AGMO: variants seen among roughly 807,000 people sequenced by gnomAD.
AGMO encodes the protein alkylglycerol monooxygenase.
Under a neutral mutation model 60.2 loss-of-function variants are expected in AGMO, and 75 were observed. The ratio of observed to expected loss-of-function variants is 1.25; its 90% CI spans 1.03 to 1.51. AGMO has a LOEUF of 1.51. AGMO is among the 40% of genes most tolerant of loss of function. The probability of loss-of-function intolerance (pLI) is 0.00; values close to 1 mark genes in which losing one functional copy is unlikely to be tolerated. For missense variants in AGMO, 763 were observed against 525.5 expected (o/e 1.45, Z -4.42); for synonymous variants, 261 against 177.1 (o/e 1.47, Z -3.76).
At chr7:15,422,721 G>A (rs1196751470) in intron 4 of AGMO, among the ~76,000 whole-genome samples, 2 of 152,074 alleles carry the variant, frequency 1.3e-5, no homozygotes, top group Non-Finnish European at 2.9e-5. Flanking sequence ...CAGTATTTAG[G>A]GGTCAGGTGT....
intron 10 of AGMO, among the ~76,000 whole-genome samples, chr7:15,371,920 AG>A (rs747650849): frequency 3.0e-5 from 3 of 101,286 alleles, no homozygotes; most frequent in African/African-American, 4.5e-5. Context: ...TAAATTATTA[AG>A]TGTTTCTAAA....
intron 2 of AGMO, among the ~76,000 whole-genome samples, chr7:15,555,075 T>G (rs1293873556): frequency 1.3e-5 from 2 of 151,830 alleles, no homozygotes; most frequent in Non-Finnish European, 2.9e-5. Flanking sequence ...AATCTGCCAA[T>G]TTATATTATT....
intron 2 of AGMO, among the ~76,000 whole-genome samples, chr7:15,555,617 C>A (rs1785111667): frequency 6.6e-6 from 1 of 151,844 alleles, no homozygotes; most frequent in Non-Finnish European, 1.5e-5. Context: ...TTCTTAACAG[C>A]AACCATAAAA....
At chr7:15,274,407 T>C (rs768846773) in intron 12 of AGMO, among the ~76,000 whole-genome samples, 1 of 152,224 alleles carries the variant, frequency 6.6e-6, no homozygotes, top group Non-Finnish European at 1.5e-5. Context: ...TCTGTTTATA[T>C]GCTGGATTAC....
intron 12 of AGMO, among the ~76,000 whole-genome samples, chr7:15,356,000 C>T (rs1165345389): frequency 6.6e-6 from 1 of 151,974 alleles, no homozygotes; most frequent in Admixed American, 6.6e-5. Flanking sequence ...CAATAGTAAA[C>T]AGAAAATAGT....
intron 5 of AGMO, among the ~76,000 whole-genome samples, chr7:15,397,096 C>A (rs74573182): frequency 6.6e-6 from 1 of 152,152 alleles, no homozygotes; most frequent in Non-Finnish European, 1.5e-5. Context: ...CTGGCACCCG[C>A]CAGGAAACTT....
At chr7:15,446,365 T>C (rs1781699007) in intron 3 of AGMO, among the ~76,000 whole-genome samples, 1 of 152,210 alleles carries the variant, frequency 6.6e-6, no homozygotes, top group South Asian at 2.1e-4. Flanking sequence ...GATGCAATTA[T>C]ATAAGTCAAC....
At chr7:15,135,580 T>C in the AGMO span, among the ~76,000 whole-genome samples, 1 of 152,348 alleles carries the variant, frequency 6.6e-6, no homozygotes, top group South Asian at 2.1e-4. Flanking sequence ...TCTGTAGTTT[T>C]ATAAATATTC....
rs542182203 is a variant in AGMO, at chr7:15,427,639, G to A, written c.513+3366C>T. ...AAAATGAAGTTATAATCCTGATACT[G>A]TAATATTTTATATGACATCCATGAA... On this transcript the variant is annotated intron_variant, in intron 4 of 12. Transcript: ENST00000342526. Among the ~76,000 whole-genome samples the A allele has an allele frequency of 1.1e-3, 164 of 152,198 alleles. 1 individual carries two copies. The highest frequency in any genetic ancestry group is 3.9e-3 in the African/African-American group (160 of 41,524).
chr7:15,217,359 C>A (rs199751922), intron 12 of AGMO, among the ~76,000 whole-genome samples: 25 of 151,908 alleles, frequency 1.6e-4, no homozygotes, highest in African/African-American at 5.6e-4. Flanking sequence ...ATCTCTCTCT[C>A]TCTCTGTGTG....
At chr7:15,435,786 A>G (rs950035856) in intron 3 of AGMO, among the ~76,000 whole-genome samples, 1 of 152,138 alleles carries the variant, frequency 6.6e-6, no homozygotes, top group Admixed American at 6.6e-5. Context: ...AATTTTGGAG[A>G]AATTTTTCAG....
chr7:15,451,021 A>T (rs1781842883), intron 3 of AGMO, among the ~76,000 whole-genome samples: 1 of 152,068 alleles, frequency 6.6e-6, no homozygotes, highest in Admixed American at 6.6e-5. Flanking sequence ...TAATGAAGGT[A>T]AATATGTTAG....
chr7:15,346,663 C>T (rs958210068), intron 12 of AGMO, among the ~76,000 whole-genome samples: 2 of 150,462 alleles, frequency 1.3e-5, no homozygotes, highest in Non-Finnish European at 3.0e-5. Context: ...AAATATCCAA[C>T]CATTTTATTT....
At chr7:15,415,924 A>C (rs4721438) in intron 5 of AGMO, among the ~76,000 whole-genome samples, 14,760 of 152,226 alleles carry the variant, frequency 0.097, 846 homozygotes, top group South Asian at 0.14. Context: ...AATATAATCA[A>C]AAAAATTAAG....
At chr7:15,551,432 C>G (rs1244205530) in intron 2 of AGMO, among the ~76,000 whole-genome samples, 2 of 148,482 alleles carry the variant, frequency 1.3e-5, no homozygotes, top group African/African-American at 5.0e-5. Context: ...TTGTCTCAGC[C>G]CAAAATCTCC....
chr7:15,494,249 T>C (rs1009745736), intron 3 of AGMO, among the ~76,000 whole-genome samples: 1 of 152,156 alleles, frequency 6.6e-6, no homozygotes, highest in Non-Finnish European at 1.5e-5. Context: ...TAGAGGCTCA[T>C]CAAAATGAAA....
At chr7:15,442,143 G>A (rs144968872) in intron 3 of AGMO, among the ~76,000 whole-genome samples, 294 of 152,268 alleles carry the variant, frequency 1.9e-3, no homozygotes, top group African/African-American at 6.7e-3. Flanking sequence ...AAAACAGATT[G>A]GTCTATCCTT....
chr7:15,484,976 G>A (rs187284428), intron 3 of AGMO, among the ~76,000 whole-genome samples: 4 of 152,162 alleles, frequency 2.6e-5, no homozygotes, highest in Admixed American at 2.6e-4. Context: ...AGAAGTAAAT[G>A]AGGTAGGGAT....
At chr7:15,552,717 TTGG>T (rs1302961263) in intron 2 of AGMO, among the ~76,000 whole-genome samples, 6 of 148,534 alleles carry the variant, frequency 4.0e-5, no homozygotes, top group Non-Finnish European at 9.0e-5. Context: ...TTTTACACTG[TTGG>T]TGGGACTGTA....
Sources: allele counts gnomAD v4.1 joint callset (sites outside exome capture counted in the v4.1 genomes callset), GRCh38; gene constraint gnomAD v4.1.1; transcripts MANE v1.5; gene names NCBI Gene and HGNC (gene_info 2026-07-23, HGNC 2026-07-21).